CCDC170: variants seen among roughly 807,000 people sequenced by gnomAD.
CCDC170 encodes the protein coiled-coil domain-containing protein 170.
Under a neutral mutation model 72.6 loss-of-function variants are expected in CCDC170, and 69 were observed. That is an observed-to-expected ratio of 0.95 (90% CI 0.78 to 1.16). The LOEUF is 1.16. Among genes scored for constraint, CCDC170 ranks in the 50% most tolerant of loss-of-function variants. CCDC170 has a pLI of 0.00. For synonymous variants in CCDC170, 300 were observed against 303.9 expected, an observed-to-expected ratio of 0.99 and a Z score of 0.13; for missense variants, 852 against 832.5, an observed-to-expected ratio of 1.02 and a Z score of -0.29.
intron 5 of CCDC170, 140 bp downstream of exon 5, chr6:151,548,629 G>T (rs1484408533): frequency 2.0e-5 from 13 of 657,664 alleles, no homozygotes; most frequent in Non-Finnish European, 3.0e-5. Flanking sequence ...CCTGCACTCA[G>T]CAGGAGGGTT....
chr6:151,517,289 C>T (rs1395632604), intron 1 of CCDC170, among the ~76,000 whole-genome samples: 4 of 152,040 alleles, frequency 2.6e-5, no homozygotes, highest in African/African-American at 9.7e-5. Context: ...CCAAGATCAC[C>T]CCATTGCACT....
intron 8 of CCDC170, among the ~76,000 whole-genome samples, chr6:151,596,120 G>A (rs1437986146): frequency 6.6e-6 from 1 of 152,092 alleles, no homozygotes; most frequent in East Asian, 1.9e-4. Context: ...CACATTTTCT[G>A]GGGCTCTTTT....
intron 1 of CCDC170, among the ~76,000 whole-genome samples, chr6:151,507,853 G>A (rs546255453): frequency 2.3e-3 from 353 of 151,754 alleles, no homozygotes; most frequent in Non-Finnish European, 4.1e-3. Context: ...CCAGGGAGTC[G>A]GAGGTTGCAG....
intron 5 of CCDC170, among the ~76,000 whole-genome samples, chr6:151,557,395 C>T (rs559071931): frequency 1.5e-3 from 212 of 138,722 alleles, no homozygotes; most frequent in Non-Finnish European, 2.6e-3. Flanking sequence ...GGTGACAGAG[C>T]GAGATTCTGT....
chr6:151,534,068 CTTT>C (rs11359591), intron 1 of CCDC170, among the ~76,000 whole-genome samples: 18 of 141,498 alleles, frequency 1.3e-4, no homozygotes, highest in Admixed American at 2.1e-4. Flanking sequence ...TCATTCATTC[CTTT>C]TTTTTTTTTT....
intron 1 of CCDC170, among the ~76,000 whole-genome samples, chr6:151,524,767 G>A (rs1782375245): frequency 6.6e-6 from 1 of 152,056 alleles, no homozygotes; most frequent in African/African-American, 2.4e-5. Flanking sequence ...ATTTCAATGT[G>A]CCTATACACA....
chr6:151,541,144 C>A (rs982680638), intron 3 of CCDC170, among the ~76,000 whole-genome samples: 1 of 152,060 alleles, frequency 6.6e-6, no homozygotes, highest in African/African-American at 2.4e-5. Context: ...AAGGCTCTTC[C>A]CCCAGATATC....
Position 151,618,392 on chromosome 6 carries a change from T to G in CCDC170, c.*245T>G, listed in dbSNP as rs912965496. 21 of 486,154 alleles carry G rather than the reference T, an allele frequency of 4.3e-5. No individual in the cohort carries two copies. Among genetic ancestry groups the G allele is most frequent in the African/African-American group, 3.3e-4 (17 of 51,890 alleles). 30.1% of individuals were successfully genotyped at this position (486,154 alleles called of 1,614,324 possible). A position where few individuals can be genotyped will look rare whatever the true frequency, so the allele number is the denominator to read the frequency against. On this transcript the variant is annotated 3_prime_UTR_variant, in exon 11 of 11. Transcript: ENST00000239374. The stretch of plus-strand genomic sequence containing the variant: ...TCCAGAAGAATTCCACCAGATTGCA[T>G]GAGTTAGATTGGGAAATGGGAGTGG...
At chr6:151,565,005 G>A (rs2115078273) in intron 5 of CCDC170, among the ~76,000 whole-genome samples, 1 of 152,302 alleles carries the variant, frequency 6.6e-6, no homozygotes, top group South Asian at 2.1e-4. Context: ...TGGGGAGCAC[G>A]TGCTTTGGCC....
At chr6:151,580,676 ACACACAC>A (rs1776367487) in intron 6 of CCDC170, among the ~76,000 whole-genome samples, 1 of 152,168 alleles carries the variant, frequency 6.6e-6, no homozygotes. Context: ...AATTTCAAGC[ACACACAC>A]AGAAGTGTTA....
chr6:151,582,932 C>A (rs566016924), intron 6 of CCDC170, among the ~76,000 whole-genome samples: 1 of 150,226 alleles, frequency 6.7e-6, no homozygotes, highest in Non-Finnish European at 1.5e-5. Context: ...TTTTAACATG[C>A]GATTTAGAGA....
intron 1 of CCDC170, among the ~76,000 whole-genome samples, chr6:151,494,640 A>G (rs1781883445): frequency 6.6e-6 from 1 of 152,166 alleles, no homozygotes; most frequent in Admixed American, 6.5e-5. Context: ...AACGTTGGTA[A>G]TTCAGTTGTT....
chr6:151,541,227 A>G (rs767916412), intron 3 of CCDC170, among the ~76,000 whole-genome samples: 3 of 152,152 alleles, frequency 2.0e-5, no homozygotes, highest in Non-Finnish European at 2.9e-5. Context: ...CATGAATAAC[A>G]TATCTAAAAA....
intron 6 of CCDC170, among the ~76,000 whole-genome samples, chr6:151,582,463 G>A (rs946534415): frequency 1.3e-5 from 2 of 152,138 alleles, no homozygotes; most frequent in African/African-American, 2.4e-5. Flanking sequence ...TGGCTTAAGG[G>A]AATGTTATGG....
chr6:151,512,166 T>TTG (rs1468006996), intron 1 of CCDC170, among the ~76,000 whole-genome samples: 3 of 149,466 alleles, frequency 2.0e-5, no homozygotes, highest in African/African-American at 7.5e-5. Flanking sequence ...TTTTTTGTTT[T>TTG]TTTTTTTTTT....
chr6:151,572,652 T>TTTTTTTTTTTG (rs1554223872), intron 5 of CCDC170, among the ~76,000 whole-genome samples: 1,396 of 77,486 alleles, frequency 0.018, 118 homozygotes, highest in African/African-American at 0.052. Context: ...TCTCTGTGTT[T>TTTTTTTTTTTG]TTTTTTTTTT....
chr6:151,524,600 T>C (rs2115035955), intron 1 of CCDC170, among the ~76,000 whole-genome samples: 1 of 152,334 alleles, frequency 6.6e-6, no homozygotes, highest in South Asian at 2.1e-4. Context: ...AAAATTATAG[T>C]CACTTTTTCT....
In CCDC170 at chr6:151,548,413, T is replaced by C. The variant is rs1342600710; in HGVS notation, c.698T>C (p.Met233Thr). Residue 233 changes from methionine to threonine, a missense_variant, in exon 5 of 11, where the codon ATG becomes ACG. By Grantham distance (81) the Met-to-Thr change is moderately conservative. Transcript: ENST00000239374. The part of the protein sequence containing the change: ...MEAKASRETI[M>T]RLASEVNREQ... ...GCAAAAGCTAGCAGAGAAACGATCA[T>C]GAGGCTGGCTTCAGAAGTCAACAGA... The C allele has an allele frequency of 6.2e-7, 1 of 1,613,034 alleles. No individual in the cohort carries two copies. The highest frequency in any genetic ancestry group is 1.7e-5 in the Admixed American group (1 of 59,976).
At chr6:151,550,866 C>A (rs912795670) in intron 5 of CCDC170, among the ~76,000 whole-genome samples, 1 of 152,192 alleles carries the variant, frequency 6.6e-6, no homozygotes, top group African/African-American at 2.4e-5. Context: ...CTCAAAACTT[C>A]ATCTGAACCT....
Sources: gnomAD v4.1 joint callset for allele counts (sites outside exome capture counted in the v4.1 genomes callset) on GRCh38, gnomAD v4.1.1 for gene constraint, MANE v1.5 for transcripts, NCBI Gene and HGNC (gene_info 2026-07-23, HGNC 2026-07-21) for gene names.